Variants in CSMD1 observed in about 807,000 individuals in gnomAD.
The protein encoded by CSMD1 is CUB and Sushi multiple domains 1, also known as CUB and sushi domain-containing protein 1.
A neutral mutation model predicts 417.5 loss-of-function variants in CSMD1; 213 were observed. The observed-to-expected ratio is 0.51, with a 90% CI of 0.46 to 0.57. The LOEUF (loss-of-function observed/expected upper bound fraction) is 0.57, where lower values mean the gene tolerates loss of function less well. CSMD1 is among the 20% of genes least tolerant of loss of function. The pLI, the probability that CSMD1 is intolerant of heterozygous loss-of-function variation, is 0.00. For missense variants in CSMD1, 6,923 were observed against 4,529.7 expected, an observed-to-expected ratio of 1.53 and a Z score of -15.17; for synonymous variants, 2,862 against 1,736.8, an observed-to-expected ratio of 1.65 and a Z score of -16.11.
At chr8:3,502,837 G>T (rs1053690956) in intron 10 of CSMD1, among the ~76,000 whole-genome samples, 1 of 152,128 alleles carries the variant, frequency 6.6e-6, no homozygotes. Flanking sequence ...GCCGGAGTGA[G>T]CCCTAACGTG....
At chr8:4,666,952 T>C (rs1804976391) in intron 1 of CSMD1, among the ~76,000 whole-genome samples, 1 of 152,326 alleles carries the variant, frequency 6.6e-6, no homozygotes, top group East Asian at 1.9e-4. Context: ...GAAGCATTTA[T>C]AAAATTTTTA....
chr8:4,055,256 A>G (rs1351079274), intron 3 of CSMD1, among the ~76,000 whole-genome samples: 4 of 152,198 alleles, frequency 2.6e-5, no homozygotes, highest in Admixed American at 2.6e-4. Flanking sequence ...CCTCAAATGA[A>G]TTCAGGTTAA....
chr8:3,367,449 G>C (rs986058656), intron 19 of CSMD1, among the ~76,000 whole-genome samples: 4 of 151,682 alleles, frequency 2.6e-5, no homozygotes, highest in Non-Finnish European at 5.9e-5. Context: ...GACAGAGATG[G>C]AGAGAGATGG....
At position 3,477,837 on chromosome 8, in the gene CSMD1, C is replaced by T. The variant is rs140092419; in HGVS notation, c.1449-9013G>A. Among the ~76,000 whole-genome samples the T allele has an allele frequency of 2.0e-5, 3 of 152,238 alleles. No individual in the cohort carries two copies. The East Asian group carries it at 5.8e-4, about 29-fold the overall frequency. On this transcript the variant is annotated intron_variant, in intron 11 of 69. Transcript: ENST00000635120. ...CCAGCACCTAGCCGGGTTCCCAGGA[C>T]ATGGTAGTTACAGATTCCATGTTTA...
chr8:4,146,011 T>A (rs1399145540), intron 3 of CSMD1, among the ~76,000 whole-genome samples: 1 of 150,782 alleles, frequency 6.6e-6, no homozygotes, highest in African/African-American at 2.5e-5. Context: ...ACTAACTAGG[T>A]ATTCAAAAAA....
intron 1 of CSMD1, among the ~76,000 whole-genome samples, chr8:4,749,424 G>C (rs1673256): frequency 0.19 from 28,504 of 152,230 alleles, 3,366 homozygotes; most frequent in African/African-American, 0.34. Flanking sequence ...GGTGTTTAGA[G>C]GTATTGCCGT....
intron 3 of CSMD1, among the ~76,000 whole-genome samples, chr8:4,041,033 T>C (rs1484159394): frequency 1.4e-5 from 2 of 143,842 alleles, no homozygotes; most frequent in African/African-American, 2.5e-5. Context: ...TTTTTTTTTT[T>C]TGAGACGGAG....
chr8:3,509,529 C>T (rs1012715596), intron 10 of CSMD1, among the ~76,000 whole-genome samples: 10 of 152,200 alleles, frequency 6.6e-5, no homozygotes, highest in African/African-American at 2.4e-4. Context: ...GTAGGCTATT[C>T]TACCAAGATT....
At chr8:3,338,988 C>T (rs1337903899) in intron 23 of CSMD1, among the ~76,000 whole-genome samples, 1 of 117,596 alleles carries the variant, frequency 8.5e-6, no homozygotes, top group Non-Finnish European at 1.7e-5. Context: ...CTCCCCCCTC[C>T]CCCCACCCCA....
At chr8:3,757,104 G>A (rs1212757992) in intron 5 of CSMD1, among the ~76,000 whole-genome samples, 1 of 152,110 alleles carries the variant, frequency 6.6e-6, no homozygotes, top group Non-Finnish European at 1.5e-5. Context: ...TGCCAGCCTG[G>A]AATTGCACTT....
At chr8:4,368,135 T>C (rs1802194120) in intron 3 of CSMD1, among the ~76,000 whole-genome samples, 1 of 152,168 alleles carries the variant, frequency 6.6e-6, no homozygotes, top group Non-Finnish European at 1.5e-5. Context: ...AGTATGGTGT[T>C]CATAGATGAT....
chr8:3,075,856 A>G (rs2129000744), intron 49 of CSMD1, among the ~76,000 whole-genome samples: 1 of 150,582 alleles, frequency 6.6e-6, no homozygotes, highest in South Asian at 2.1e-4. Flanking sequence ...CCTGGGTAAC[A>G]TGGGGAAACA....
chr8:4,030,501 G>C (rs540815545), intron 4 of CSMD1, among the ~76,000 whole-genome samples: 2 of 152,262 alleles, frequency 1.3e-5, no homozygotes, highest in East Asian at 3.9e-4. Flanking sequence ...GGAGCAGCTG[G>C]GATGCAGGGC....
intron 25 of CSMD1, among the ~76,000 whole-genome samples, chr8:3,302,593 C>T (rs1804503668): frequency 6.6e-6 from 1 of 152,160 alleles, no homozygotes; most frequent in Non-Finnish European, 1.5e-5. Flanking sequence ...TCACTGGGAG[C>T]AAAGAAGACA....
In CSMD1 at chr8:4,093,377, G is replaced by A. The variant is rs190294067; in HGVS notation, c.416-61278C>T. ...ATGAAAGTTAAATTTTATATTTAAC[G>A]TGATATTTAGAAAGCCAAATTGTTT... On this transcript the variant is annotated intron_variant, in intron 3 of 69. Coordinates refer to ENST00000635120, the MANE Select transcript of CSMD1 (RefSeq NM_033225.6). 3.2e-3 allele frequency among the ~76,000 whole-genome samples: 486 copies of A among 152,132 alleles called. 2 individuals carry two copies. Among genetic ancestry groups the A allele is most frequent in the Middle Eastern group, 0.014 (4 of 292 alleles).
chr8:4,581,135 T>C (rs980155273), intron 2 of CSMD1, among the ~76,000 whole-genome samples: 11 of 152,222 alleles, frequency 7.2e-5, no homozygotes, highest in Admixed American at 5.9e-4. Flanking sequence ...AGAAAGAATC[T>C]TTAGTCAAGG....
chr8:4,609,751 G>C (rs1801067135), intron 2 of CSMD1, among the ~76,000 whole-genome samples: 1 of 152,126 alleles, frequency 6.6e-6, no homozygotes, highest in South Asian at 2.1e-4. Flanking sequence ...GAAGAAAGAA[G>C]CAGGGATGAA....
intron 5 of CSMD1, among the ~76,000 whole-genome samples, chr8:3,781,538 T>A (rs1265727360): frequency 2.6e-5 from 4 of 152,156 alleles, no homozygotes; most frequent in Admixed American, 6.5e-5. Flanking sequence ...ATATGGTCTA[T>A]CTGCTTACAC....
chr8:3,321,469 A>G (rs1187165365), intron 23 of CSMD1, among the ~76,000 whole-genome samples: 5 of 152,122 alleles, frequency 3.3e-5, no homozygotes, highest in South Asian at 2.1e-4. Flanking sequence ...GAATCCCACC[A>G]CAAGTAGGCA....
Sources: allele counts gnomAD v4.1 joint callset (sites outside exome capture counted in the v4.1 genomes callset), GRCh38; gene constraint gnomAD v4.1.1; transcripts MANE v1.5; gene names NCBI Gene and HGNC (gene_info 2026-07-23, HGNC 2026-07-21).